Variants in MAGI3 observed in about 807,000 individuals in gnomAD.
MAGI3 encodes membrane-associated guanylate kinase, WW and PDZ domain-containing protein 3.
In MAGI3, 43 loss-of-function variants were observed where a neutral mutation model predicts 121.8. That is an observed-to-expected ratio of 0.35 (90% CI 0.28 to 0.46). The LOEUF is 0.46. Ranked by LOEUF, MAGI3 falls within the 20% of genes least tolerant of loss-of-function variation. The pLI, the probability that MAGI3 is intolerant of heterozygous loss-of-function variation, is 1.00. For missense variants in MAGI3, 1,547 were observed against 1,797.3 expected (o/e 0.86, Z 2.52); for synonymous variants, 553 against 639.3 (o/e 0.86, Z 2.04).
At chr1:113,473,612 C>T (rs1655656238) in intron 1 of MAGI3, among the ~76,000 whole-genome samples, 1 of 152,134 alleles carries the variant, frequency 6.6e-6, no homozygotes, top group East Asian at 1.9e-4. Context: ...TTTTTTATGA[C>T]TGCATGGTAT....
intron 6 of MAGI3, among the ~76,000 whole-genome samples, chr1:113,609,431 A>G (rs1454962009): frequency 6.6e-6 from 1 of 152,234 alleles, no homozygotes; most frequent in Non-Finnish European, 1.5e-5. Context: ...GTAAGGACAC[A>G]GCTTGAACAG....
At chr1:113,421,070 A>T (rs1342085257) in intron 1 of MAGI3, among the ~76,000 whole-genome samples, 1 of 152,014 alleles carries the variant, frequency 6.6e-6, no homozygotes, top group Admixed American at 6.6e-5. Flanking sequence ...GCTGAAACAG[A>T]GTGAAATTGA....
intron 3 of MAGI3, among the ~76,000 whole-genome samples, chr1:113,582,897 C>A (rs958146008): frequency 1.3e-5 from 2 of 151,386 alleles, no homozygotes; most frequent in Non-Finnish European, 1.5e-5. Flanking sequence ...ATAGATATTT[C>A]TAATACTATT....
In MAGI3 at chr1:113,618,655, A is replaced by C. The variant is rs745609265; in HGVS notation, c.1077-1081A>C. On this transcript the variant is annotated intron_variant, in intron 7 of 20. Transcript: ENST00000307546. ...TGAGTAGCTGGGATTACAGGCATGC[A>C]CCACCACGCCCAGCTTATTTTTGTA... The C allele has an allele frequency of 1.6e-4, 55 of 340,332 alleles. 1 individual carries two copies. The highest frequency in any genetic ancestry group is 2.7e-4 in the South Asian group (12 of 44,114). 21.1% of individuals were successfully genotyped at this position (340,332 alleles called of 1,614,324 possible). A position where few individuals can be genotyped will look rare whatever the true frequency, so the allele number is the denominator to read the frequency against.
chr1:113,530,290 T>C (rs1373332826), intron 1 of MAGI3, among the ~76,000 whole-genome samples: 1 of 151,220 alleles, frequency 6.6e-6, no homozygotes. Flanking sequence ...TTTTTGTGTC[T>C]GATTAGCTCA....
At chr1:113,655,164 G>A (rs1653402575) in intron 15 of MAGI3, among the ~76,000 whole-genome samples, 1 of 152,088 alleles carries the variant, frequency 6.6e-6, no homozygotes, top group Non-Finnish European at 1.5e-5. Flanking sequence ...TGAAAGGAAA[G>A]CAGCTTTTAG....
chr1:113,456,335 A>G (rs1303884184), intron 1 of MAGI3, among the ~76,000 whole-genome samples: 2 of 152,066 alleles, frequency 1.3e-5, no homozygotes, highest in Admixed American at 1.3e-4. Context: ...ATAAAAAACA[A>G]CCTAAGTTGT....
intron 6 of MAGI3, among the ~76,000 whole-genome samples, chr1:113,614,364 T>C (rs921494878): frequency 3.3e-5 from 5 of 152,220 alleles, no homozygotes; most frequent in Non-Finnish European, 7.4e-5. Context: ...TTGTGGTTCA[T>C]ATGAACACCT....
intron 1 of MAGI3, among the ~76,000 whole-genome samples, chr1:113,413,804 T>C (rs1282133123): frequency 1.3e-5 from 2 of 152,140 alleles, no homozygotes; most frequent in Non-Finnish European, 2.9e-5. Context: ...TTTCTAAATA[T>C]CCAATCATGT....
At chr1:113,535,315 CAAT>C (rs992823118) in intron 1 of MAGI3, among the ~76,000 whole-genome samples, 80 of 151,904 alleles carry the variant, frequency 5.3e-4, no homozygotes, top group Admixed American at 3.0e-3. Context: ...AAAAACCTCT[CAAT>C]AGAAAGTTAT....
intron 19 of MAGI3, among the ~76,000 whole-genome samples, chr1:113,674,737 A>G (rs765504217): frequency 6.6e-5 from 10 of 152,174 alleles, no homozygotes; most frequent in Non-Finnish European, 1.2e-4. Context: ...ACACATATTG[A>G]GTGTTTGCAT....
intron 1 of MAGI3, among the ~76,000 whole-genome samples, chr1:113,430,919 C>T (rs941923957): frequency 1.8e-4 from 28 of 152,156 alleles, no homozygotes; most frequent in Admixed American, 9.8e-4. Flanking sequence ...ATATGGCTCA[C>T]TGAATCAGTT....
chr1:113,529,296 C>G lies in MAGI3; in HGVS notation c.317-20219C>G, dbSNP rs74986139. On this transcript the variant is annotated intron_variant, in intron 1 of 20. Transcript: ENST00000307546. ...TAAACTGAGTGGTTCAAACAACAAA[C>G]ATTTATTTCTCACAGTTCTGGAGGC... Among the ~76,000 whole-genome samples the G allele has an allele frequency of 1.1e-4, 17 of 152,300 alleles. No homozygotes were observed. In the East Asian group the frequency reaches 3.3e-3, roughly 29 times the overall value.
chr1:113,651,875 T>C (rs530330506), intron 14 of MAGI3, among the ~76,000 whole-genome samples: 16 of 152,298 alleles, frequency 1.1e-4, no homozygotes, highest in African/African-American at 3.4e-4. Context: ...TATACAAAGA[T>C]TTTTGGATCC....
intron 1 of MAGI3, among the ~76,000 whole-genome samples, chr1:113,535,145 G>A (rs1557809155): frequency 1.3e-5 from 2 of 152,136 alleles, no homozygotes; most frequent in South Asian, 4.2e-4. Flanking sequence ...AAATTTGAAA[G>A]CAAGCTGTAC....
rs1391210442 is a variant in MAGI3 at position 113,415,459 on chromosome 1, T to C, written c.316+24110T>C. ...ATAGTTGAGAATGAATAGTTTCTCC[T>C]TTTTTTCCTATCACTTTCTGCCTAG... is the stretch of plus-strand genomic sequence containing the variant. On this transcript the variant is annotated intron_variant, in intron 1 of 20. Coordinates refer to ENST00000307546, the MANE Select transcript of MAGI3 (RefSeq NM_001142782.2). 4.6e-5 allele frequency among the ~76,000 whole-genome samples: 7 copies of C among 152,030 alleles called. No individual in the cohort carries two copies. The South Asian group carries it at 1.5e-3, about 32-fold the overall frequency.
intron 1 of MAGI3, among the ~76,000 whole-genome samples, chr1:113,539,915 G>A (rs1246643572): frequency 1.3e-5 from 2 of 151,308 alleles, no homozygotes; most frequent in African/African-American, 4.9e-5. Flanking sequence ...CAACCTCCCA[G>A]GTAGCTAAGA....
intron 1 of MAGI3, among the ~76,000 whole-genome samples, chr1:113,452,041 T>C (rs1158637993): frequency 1.3e-5 from 2 of 152,186 alleles, no homozygotes; most frequent in African/African-American, 4.8e-5. Context: ...CACTTTTTGC[T>C]CTGGAGTGAT....
Position 113,683,871 on chromosome 1 carries a change from G to GCTGGCAT in MAGI3, c.4306_4307insGCATCTG (p.Asp1436GlyfsTer3), listed in dbSNP as rs1384544985. 1 of 1,612,732 alleles carries GCTGGCAT rather than the reference G, an allele frequency of 6.2e-7. No homozygotes were observed. Among genetic ancestry groups the GCTGGCAT allele is most frequent in the Admixed American group, 1.7e-5 (1 of 59,890 alleles). ...TCACAAAGGGAAAGAACTAGAGGCAGCTGACAAAAACAAAGAGACTGGAAG... is the reference window on the plus strand; with the variant it reads ...TCACAAAGGGAAAGAACTAGAGGCAGCTGGCATCTGACAAAAACAAAGAGACTGGAAG... On this transcript the variant is annotated frameshift_variant, in exon 21 of 21. Transcript: ENST00000307546. LOFTEE classifies it low-confidence loss of function (END_TRUNC).
Sources: allele counts gnomAD v4.1 joint callset (sites outside exome capture counted in the v4.1 genomes callset), GRCh38; gene constraint gnomAD v4.1.1; transcripts MANE v1.5; gene names NCBI Gene and HGNC (gene_info 2026-07-23, HGNC 2026-07-21).